MYCBP2: variants seen among roughly 807,000 people sequenced by gnomAD.
MYCBP2 encodes MYC binding protein 2.
In MYCBP2, 120 loss-of-function variants were observed where a neutral mutation model predicts 525.3. The observed-to-expected ratio is 0.23, with a 90% CI of 0.20 to 0.27. The LOEUF is 0.27. MYCBP2 is among the 10% of genes least tolerant of loss of function. MYCBP2 has a pLI of 1.00. For synonymous variants in MYCBP2, 1,894 were observed against 1,955.8 expected, an observed-to-expected ratio of 0.97 and a Z score of 0.83; for missense variants, 4,149 against 5,657.1, an observed-to-expected ratio of 0.73 and a Z score of 8.55.
At position 77,205,060 on chromosome 13, in the gene MYCBP2, A is replaced by C. The variant is rs183576153; in HGVS notation, c.3843+196T>G. Reference sequence around the variant, plus strand: ...ACTTAAAGTATAATAATAATAAATAAATAAATTTAAAAAATTTAGTATTAC... The same window carrying C: ...ACTTAAAGTATAATAATAATAAATACATAAATTTAAAAAATTTAGTATTAC... On this transcript the variant is annotated intron_variant, in intron 26 of 82. Coordinates refer to ENST00000544440, the MANE Select transcript of MYCBP2 (RefSeq NM_015057.5). Among the ~76,000 whole-genome samples, 68 of 152,078 alleles carry C rather than the reference A, an allele frequency of 4.5e-4. No individual in the cohort carries two copies. In the East Asian group the frequency reaches 0.011, roughly 25 times the overall value.
At position 77,098,135 on chromosome 13, in the gene MYCBP2, G is replaced by T; in HGVS notation, c.9019C>A (p.Leu3007Ile). 1 of 1,613,642 alleles carries T rather than the reference G, an allele frequency of 6.2e-7. No individual in the cohort carries two copies. Among genetic ancestry groups the T allele is most frequent in the South Asian group, 1.1e-5 (1 of 91,060 alleles). ...GGCTTGGATCCATCTCCTTTGAAAA[G>T]AAAACTCGATTTTTCTTTTTTGGGC... Reference protein sequence around the residue: ...TRPKKEKSSFLFKGDGSKPLE... With the variant: ...TRPKKEKSSFIFKGDGSKPLE... Residue 3007 changes from leucine (L) to isoleucine (I), a missense_variant, in exon 56 of 83, where the codon CTT (leucine) becomes ATT (isoleucine). Leu to Ile is a conservative substitution (Grantham distance 5). Transcript: ENST00000544440.
rs749562473 is a variant in MYCBP2, at chr13:77,185,151, A to T, written c.4671T>A (p.Pro1557=). The change falls in exon 32 of 83, where the codon CCT becomes CCA. Residue 1557 remains proline (P), a synonymous_variant. Coordinates refer to ENST00000544440, the MANE Select transcript of MYCBP2 (RefSeq NM_015057.5). ...TACFHSFYPT[P]ALQWACLCDL... is the part of the protein sequence containing the mutation. ...CACAAAGGCAAGCCCACTGTAAGGC[A>T]GGAGTTGGGTAGAAAGAATGAAAGC... 1.2e-6 allele frequency: 2 copies of T among 1,614,046 alleles called. No homozygotes were observed. Among genetic ancestry groups the T allele is most frequent in the South Asian group, 2.2e-5 (2 of 91,090 alleles).
At chr13:77,202,933 G>A (rs368229385) in intron 26 of MYCBP2, among the ~76,000 whole-genome samples, 4 of 151,960 alleles carry the variant, frequency 2.6e-5, no homozygotes, top group Admixed American at 6.6e-5. Context: ...CCCACAGCCA[G>A]TATCATACTG....
In MYCBP2 at chr13:77,125,416, T is replaced by A. The variant is rs753155953; in HGVS notation, c.7937A>T (p.Glu2646Val). 2 of 1,614,006 alleles carry A rather than the reference T, an allele frequency of 1.2e-6. No homozygotes were observed. The highest frequency in any genetic ancestry group is 8.5e-7 in the Non-Finnish European group (1 of 1,179,860). The change falls in exon 54 of 83, where the codon GAG becomes GTG. Residue 2646 changes from glutamate (E) to valine (V), a missense_variant. Glu to Val is a moderately radical substitution (Grantham distance 121). Transcript: ENST00000544440. ...WVQLDQNSMV[E>V]FCESDEGEAW... The stretch of plus-strand genomic sequence containing the variant: ...CTCTCCTTCATCACTCTCACAGAAC[T>A]CTACCATGCTGTTCTGATCCAGTTG...
At position 77,168,469 on chromosome 13, in the gene MYCBP2, T is replaced by A. The variant is rs747286523; in HGVS notation, c.6073A>T (p.Ser2025Cys). ...TTSSHYAVIE[S>C]EHPYKPACVM... is the part of the protein sequence containing the mutation. The stretch of plus-strand genomic sequence containing the variant: ...CAGGCAGGTTTATACGGGTGCTCAC[T>A]CTCTATGACAGCATAGTGACTGGAG... Residue 2025 changes from serine (S) to cysteine (C), a missense_variant, in exon 40 of 83, where the codon AGT becomes TGT. Around this residue, in one of 21 missense-constraint regions of MYCBP2, gnomAD observed 692 missense variants for 852.7 expected, o/e 0.81. Transcript: ENST00000544440. 1.7e-5 allele frequency: 27 copies of A among 1,613,998 alleles called. No individual in the cohort carries two copies. Among genetic ancestry groups the A allele is most frequent in the Non-Finnish European group, 2.3e-5 (27 of 1,180,034 alleles).
chr13:77,082,192 T>C (rs1326600895), intron 63 of MYCBP2, 199 bp from the exon 64 acceptor site: 1 of 487,104 alleles, frequency 2.1e-6, no homozygotes, highest in African/African-American at 1.9e-5. Flanking sequence ...TGGAACAAGG[T>C]AAATTCTAAG....
intron 52 of MYCBP2, among the ~76,000 whole-genome samples, chr13:77,130,377 C>T (rs868364370): frequency 6.6e-6 from 1 of 151,462 alleles, no homozygotes; most frequent in Non-Finnish European, 1.5e-5. Flanking sequence ...ACTTTATTTA[C>T]TGTTTTCTAG....
At chr13:77,324,501 A>C (rs2082064564) in intron 1 of MYCBP2, among the ~76,000 whole-genome samples, 1 of 152,238 alleles carries the variant, frequency 6.6e-6, no homozygotes, top group African/African-American at 2.4e-5. Context: ...TCATCAATAG[A>C]GTAGTTGCAG....
intron 70 of MYCBP2, among the ~76,000 whole-genome samples, chr13:77,068,232 G>C (rs1396312082): frequency 6.6e-6 from 1 of 152,080 alleles, no homozygotes; most frequent in Non-Finnish European, 1.5e-5. Flanking sequence ...GGTAATAGTA[G>C]TGGTAATTAC....
intron 71 of MYCBP2, 52 bp from the exon 72 acceptor site, chr13:77,066,140 C>G (rs1262786546): frequency 8.2e-7 from 1 of 1,224,034 alleles, no homozygotes; most frequent in African/African-American, 1.5e-5. Context: ...GTAGTAGTAA[C>G]AAATGAAAAA....
chr13:77,168,687 G>A lies in MYCBP2; in HGVS notation c.5896-41C>T, dbSNP rs530812803. ...AAATATGGTTAAATGAGATACACGT[G>A]AAAGTGGTTCTAAAATTATGCATTA... On this transcript the variant is annotated intron_variant, in intron 39 of 82. Transcript: ENST00000544440. The A allele has an allele frequency of 3.8e-6, 6 of 1,567,950 alleles. 1 individual carries two copies. The South Asian group carries it at 6.7e-5, about 18-fold the overall frequency.
chr13:77,137,737 C>T (rs1311188223), intron 52 of MYCBP2, among the ~76,000 whole-genome samples: 3 of 152,010 alleles, frequency 2.0e-5, no homozygotes, highest in Non-Finnish European at 4.4e-5. Context: ...TACAGGTGCC[C>T]GCCACCACAC....
chr13:77,256,467 T>G lies in MYCBP2; in HGVS notation c.2176+1204A>C, dbSNP rs865805088. On this transcript the variant is annotated intron_variant, in intron 14 of 82. Coordinates refer to ENST00000544440, the MANE Select transcript of MYCBP2 (RefSeq NM_015057.5). ...TGTATTTGTTTTTCCAGTGATATTT[T>G]ATCAGTAAATATTATCAAATAAATA... Among the ~76,000 whole-genome samples, 10 of 152,220 alleles carry G rather than the reference T, an allele frequency of 6.6e-5. No homozygotes were observed. The South Asian group carries it at 1.5e-3, about 22-fold the overall frequency.
At chr13:77,164,174 T>G (rs1295605917) in intron 43 of MYCBP2, among the ~76,000 whole-genome samples, 1 of 152,180 alleles carries the variant, frequency 6.6e-6, no homozygotes, top group Non-Finnish European at 1.5e-5. Context: ...TAATACTATA[T>G]ATTCAGTGCT....
At position 77,058,845 on chromosome 13, in the gene MYCBP2, C is replaced by T. The variant is rs2038694681; in HGVS notation, c.13141-439G>A. Among the ~76,000 whole-genome samples, 1 of 152,000 alleles carries T rather than the reference C, an allele frequency of 6.6e-6. No individual in the cohort carries two copies. Among genetic ancestry groups the T allele is most frequent in the Admixed American group, 6.6e-5 (1 of 15,252 alleles). On this transcript the variant is annotated intron_variant, in intron 77 of 82. Transcript: ENST00000544440. This position sits in a 1 kb window ranked among gnomAD's most constrained non-coding sequence, Gnocchi z 4.1. Reference sequence around the variant, plus strand: ...ACTAAAAATACAAAAATTAACCAGGCATGGTGGCGCGCGCCTGTAATCCCA... The same window carrying T: ...ACTAAAAATACAAAAATTAACCAGGTATGGTGGCGCGCGCCTGTAATCCCA...
intron 55 of MYCBP2, among the ~76,000 whole-genome samples, chr13:77,116,539 T>G (rs1336236100): frequency 6.6e-6 from 1 of 152,078 alleles, no homozygotes; most frequent in East Asian, 1.9e-4. Context: ...TTTTCTGGAA[T>G]TTGGAAGTCA....
rs146512442 is a variant in MYCBP2 at position 77,145,365 on chromosome 13, C to T, written c.7187+797G>A. On this transcript the variant is annotated intron_variant, in intron 48 of 82. Transcript: ENST00000544440. ...CTTTTTTCTTATCTCACTGGCCATT[C>T]TTTGTCAGTGTTTTGTTGCTTTCCC... Among the ~76,000 whole-genome samples, 157 of 152,244 alleles carry T rather than the reference C, an allele frequency of 1.0e-3. 1 individual carries two copies. The highest frequency in any genetic ancestry group is 3.4e-3 in the Middle Eastern group (1 of 294).
At chr13:77,189,722 G>GTT (rs1415537088) in intron 29 of MYCBP2, among the ~76,000 whole-genome samples, 2 of 152,010 alleles carry the variant, frequency 1.3e-5, no homozygotes, top group African/African-American at 2.4e-5. Context: ...TTAAATTATT[G>GTT]TAAGTTAAAA....
chr13:77,088,184 AGATAC>A (rs1184316144), intron 61 of MYCBP2, among the ~76,000 whole-genome samples: 5 of 152,158 alleles, frequency 3.3e-5, no homozygotes, highest in Non-Finnish European at 5.9e-5. Context: ...ATAATTTATA[AGATAC>A]AATACCAAAA....
Sources: allele counts gnomAD v4.1 joint callset (sites outside exome capture counted in the v4.1 genomes callset), GRCh38; gene constraint gnomAD v4.1.1; regional missense constraint gnomAD v4.1.1; non-coding constraint Gnocchi (gnomAD v3.1); transcripts MANE v1.5; gene names NCBI Gene and HGNC (gene_info 2026-07-23, HGNC 2026-07-21).